The following KIAA1549L variants were observed in gnomAD, a reference collection of about 807,000 sequenced individuals.
KIAA1549L encodes UPF0606 protein KIAA1549L.
A neutral mutation model predicts 160.7 loss-of-function variants in KIAA1549L; 88 were observed. The ratio of observed to expected loss-of-function variants is 0.55; its 90% CI spans 0.46 to 0.65. KIAA1549L has a LOEUF of 0.65. Ranked by LOEUF, KIAA1549L falls within the 30% of genes least tolerant of loss-of-function variation. The pLI is 0.00. For synonymous variants in KIAA1549L, 950 were observed against 976.7 expected (o/e 0.97, Z 0.51); for missense variants, 2,258 against 2,437.5 (o/e 0.93, Z 1.55).
intron 1 of KIAA1549L, among the ~76,000 whole-genome samples, chr11:33,408,760 A>T (rs1850724640): frequency 7.7e-6 from 1 of 130,116 alleles, no homozygotes; most frequent in Middle Eastern, 3.7e-3. Context: ...ACATGGTGAA[A>T]CCCCATCACT....
At chr11:33,442,937 A>G (rs559991690) in intron 1 of KIAA1549L, among the ~76,000 whole-genome samples, 2 of 152,170 alleles carry the variant, frequency 1.3e-5, no homozygotes, top group African/African-American at 4.8e-5. Context: ...GTCCTTGGCT[A>G]TGTCTGATAT....
chr11:33,498,017 G>A (rs1202628895), intron 1 of KIAA1549L, among the ~76,000 whole-genome samples: 1 of 152,132 alleles, frequency 6.6e-6, no homozygotes, highest in African/African-American at 2.4e-5. Context: ...GGCCGGGCAT[G>A]GTGGCTCATG....
intron 16 of KIAA1549L, among the ~76,000 whole-genome samples, chr11:33,642,584 G>A (rs1851615647): frequency 6.6e-6 from 1 of 151,416 alleles, no homozygotes; most frequent in South Asian, 2.1e-4. Context: ...GAGAGTGACG[G>A]GGTGAGTGGT....
intron 1 of KIAA1549L, among the ~76,000 whole-genome samples, chr11:33,504,654 G>A (rs1350630251): frequency 6.6e-6 from 1 of 152,020 alleles, no homozygotes; most frequent in East Asian, 1.9e-4. Context: ...CTTTAGTAGA[G>A]ATGGGGTTTC....
intron 9 of KIAA1549L, among the ~76,000 whole-genome samples, chr11:33,574,492 C>T (rs371698672): frequency 5.9e-5 from 9 of 152,190 alleles, no homozygotes; most frequent in South Asian, 2.1e-4. Context: ...TCCAGATGTT[C>T]GTATTTTTCA....
intron 19 of KIAA1549L, 49 bp from the exon 20 acceptor site, chr11:33,660,814 C>A (rs775067674): frequency 5.0e-6 from 8 of 1,588,978 alleles, no homozygotes; most frequent in South Asian, 3.4e-5. Flanking sequence ...TGGCTGGATC[C>A]CTCAGACCAG....
chr11:33,477,334 A>G (rs1181329052), intron 1 of KIAA1549L, among the ~76,000 whole-genome samples: 1 of 152,186 alleles, frequency 6.6e-6, no homozygotes, highest in Non-Finnish European at 1.5e-5. Flanking sequence ...GAAAAAGTGA[A>G]CGCTTAACAA....
chr11:33,454,864 T>C (rs985969406), intron 1 of KIAA1549L, among the ~76,000 whole-genome samples: 6 of 151,776 alleles, frequency 4.0e-5, no homozygotes, highest in African/African-American at 1.2e-4. Context: ...CCGAGGCGGG[T>C]GGATCACGAG....
chr11:33,414,550 AT>A (rs1170840982), intron 1 of KIAA1549L, among the ~76,000 whole-genome samples: 1 of 152,156 alleles, frequency 6.6e-6, no homozygotes, highest in African/African-American at 2.4e-5. Context: ...CGGAGTGCAC[AT>A]TTTTAAGGCG....
At chr11:33,555,736 C>G (rs1167171704) in intron 6 of KIAA1549L, among the ~76,000 whole-genome samples, 1 of 152,162 alleles carries the variant, frequency 6.6e-6, no homozygotes, top group Admixed American at 6.5e-5. Context: ...GGAAAAACTT[C>G]ATGACACACA....
intron 1 of KIAA1549L, among the ~76,000 whole-genome samples, chr11:33,420,525 C>T (rs923599990): frequency 3.9e-5 from 6 of 152,082 alleles, no homozygotes; most frequent in African/African-American, 1.4e-4. Flanking sequence ...CTGTGCCCAG[C>T]CAGAACTATT....
At chr11:33,562,163 G>T (rs1476170472) in intron 8 of KIAA1549L, among the ~76,000 whole-genome samples, 2 of 152,212 alleles carry the variant, frequency 1.3e-5, no homozygotes, top group Non-Finnish European at 2.9e-5. Context: ...ACCAATCCTG[G>T]CAGGTCTTGA....
In KIAA1549L at chr11:33,645,788, C is replaced by T. The variant is rs1312417684; in HGVS notation, c.5512C>T (p.Leu1838=). 6.8e-6 allele frequency: 11 copies of T among 1,613,848 alleles called. No individual in the cohort carries two copies. In the Admixed American group the frequency reaches 1.3e-4, roughly 20 times the overall value. ...QVKGHSETST[L]SSQPSIDEVR... ...GAAAGGCCACTCGGAGACCTCCACA[C>T]TGAGCTCCCAGCCATCCATCGACGA... Residue 1838 remains leucine, a synonymous_variant, in exon 17 of 21, where the codon CTG becomes TTG. Transcript: ENST00000658780.
intron 1 of KIAA1549L, among the ~76,000 whole-genome samples, chr11:33,477,507 G>GCACGCGCACACACACACACA (rs374982374): frequency 1.5e-5 from 2 of 131,740 alleles, no homozygotes; most frequent in African/African-American, 7.3e-5. Flanking sequence ...GCAGGTGCAC[G>GCACGCGCACACACACACACA]CACACACACA....
chr11:33,610,161 A>T (rs1850613678), intron 15 of KIAA1549L, among the ~76,000 whole-genome samples, 195 bp downstream of exon 15: 2 of 136,994 alleles, frequency 1.5e-5, no homozygotes, highest in Non-Finnish European at 3.1e-5. Flanking sequence ...TAAAGCCATT[A>T]AAAAAAAAAA....
intron 1 of KIAA1549L, among the ~76,000 whole-genome samples, chr11:33,386,581 G>A (rs1850177518): frequency 6.6e-6 from 1 of 152,140 alleles, no homozygotes; most frequent in Non-Finnish European, 1.5e-5. Context: ...CACTCAGGAG[G>A]CTGAGGCAGG....
chr11:33,563,069 G>T (rs1413447739), intron 8 of KIAA1549L, among the ~76,000 whole-genome samples: 1 of 151,916 alleles, frequency 6.6e-6, no homozygotes, highest in Non-Finnish European at 1.5e-5. Flanking sequence ...AGGAATCTGG[G>T]GGGACAGGCC....
chr11:33,591,909 GAAA>G (rs1850066444), intron 12 of KIAA1549L, among the ~76,000 whole-genome samples: 2 of 152,178 alleles, frequency 1.3e-5, no homozygotes, highest in South Asian at 4.1e-4. Flanking sequence ...GAGGCGGAGA[GAAA>G]AATAACTGGA....
intron 1 of KIAA1549L, among the ~76,000 whole-genome samples, chr11:33,421,119 A>T (rs754628978): frequency 6.6e-6 from 1 of 152,218 alleles, no homozygotes. Flanking sequence ...GGGGAAGTGC[A>T]TTAATTCCCT....
Sources: gnomAD v4.1 joint callset for allele counts (sites outside exome capture counted in the v4.1 genomes callset) on GRCh38, gnomAD v4.1.1 for gene constraint, MANE v1.5 for transcripts, NCBI Gene and HGNC (gene_info 2026-07-23, HGNC 2026-07-21) for gene names.